The following SAMD3 variants were observed in gnomAD, a reference collection of about 807,000 sequenced individuals.
SAMD3 encodes sterile alpha motif domain containing 3.
Under a neutral mutation model 58.5 loss-of-function variants are expected in SAMD3, and 63 were observed. That is an observed-to-expected ratio of 1.08 (90% CI 0.88 to 1.33). The LOEUF is 1.33. SAMD3 is among the 40% of genes most tolerant of loss of function. The pLI, the probability that SAMD3 is intolerant of heterozygous loss-of-function variation, is 0.00. For missense variants in SAMD3, 604 were observed against 608.4 expected, an observed-to-expected ratio of 0.99 and a Z score of 0.08; for synonymous variants, 220 against 210.3, an observed-to-expected ratio of 1.05 and a Z score of -0.40.
intron 2 of SAMD3, among the ~76,000 whole-genome samples, chr6:130,300,059 A>G: frequency 6.6e-6 from 1 of 152,212 alleles, no homozygotes; most frequent in East Asian, 1.9e-4. Context: ...AATCTTACTG[A>G]AAGTATTGCA....
At chr6:130,339,835 T>C (rs1777216806) in intron 1 of SAMD3, among the ~76,000 whole-genome samples, 1 of 152,198 alleles carries the variant, frequency 6.6e-6, no homozygotes, top group Non-Finnish European at 1.5e-5. Flanking sequence ...AGTAGTAGTG[T>C]GATTATCAGG....
At chr6:130,362,972 C>G (rs924090448) in intron 1 of SAMD3, among the ~76,000 whole-genome samples, 16 of 152,172 alleles carry the variant, frequency 1.1e-4, no homozygotes, top group Non-Finnish European at 2.1e-4. Flanking sequence ...ATTTCCTCTA[C>G]CTTTTTCTTT....
chr6:130,197,906 A>T (rs1159018120), intron 5 of SAMD3, among the ~76,000 whole-genome samples: 1 of 152,102 alleles, frequency 6.6e-6, no homozygotes, highest in African/African-American at 2.4e-5. Flanking sequence ...GCCTTAACTG[A>T]TGACATTCCA....
chr6:130,229,297 C>T (rs1004347106), intron 2 of SAMD3, among the ~76,000 whole-genome samples: 1 of 152,152 alleles, frequency 6.6e-6, no homozygotes, highest in Non-Finnish European at 1.5e-5. Flanking sequence ...GGTAAGATTC[C>T]CCACTAGAGC....
intron 2 of SAMD3, among the ~76,000 whole-genome samples, chr6:130,304,926 C>CTTTTTTTTT (rs777084920): frequency 9.7e-6 from 1 of 103,376 alleles, no homozygotes; most frequent in Non-Finnish European, 1.9e-5. Context: ...CATTTTCTTC[C>CTTTTTTTTT]TTTTTTTTTT....
intron 5 of SAMD3, among the ~76,000 whole-genome samples, chr6:130,208,488 A>C (rs547932885): frequency 4.0e-4 from 61 of 152,260 alleles, no homozygotes; most frequent in African/African-American, 1.3e-3. Context: ...GCCACACCCC[A>C]TCACTGGCAT....
intron 2 of SAMD3, chr6:130,215,796 C>G (rs1582957546): frequency 6.5e-7 from 1 of 1,534,332 alleles, no homozygotes; most frequent in Non-Finnish European, 8.7e-7. Context: ...GACTGGTTAA[C>G]CCCTTGCTTC....
chr6:130,207,915 G>C (rs1017853979), intron 5 of SAMD3, among the ~76,000 whole-genome samples: 1 of 152,186 alleles, frequency 6.6e-6, no homozygotes, highest in Non-Finnish European at 1.5e-5. Context: ...CCTCATCAAA[G>C]GGGCTGCTCT....
intron 5 of SAMD3, among the ~76,000 whole-genome samples, chr6:130,204,072 TA>T (rs1444749695): frequency 6.6e-6 from 1 of 152,136 alleles, no homozygotes; most frequent in Non-Finnish European, 1.5e-5. Context: ...AGTTTGTAAT[TA>T]AAATAATTTT....
intron 2 of SAMD3, among the ~76,000 whole-genome samples, chr6:130,282,359 T>C (rs1258718645): frequency 7.5e-6 from 1 of 134,182 alleles, no homozygotes; most frequent in Non-Finnish European, 1.6e-5. Context: ...ATACATGTTA[T>C]ATATATTATA....
At chr6:130,238,884 G>T (rs944087201) in intron 2 of SAMD3, among the ~76,000 whole-genome samples, 1 of 152,010 alleles carries the variant, frequency 6.6e-6, no homozygotes, top group Admixed American at 6.5e-5. Context: ...TCAGCCTCCC[G>T]AGTAGCTGGG....
rs149407459 is a variant in SAMD3 at position 130,347,326 on chromosome 6, T to C, written c.-304+17794A>G. Among the ~76,000 whole-genome samples, 233 of 152,116 alleles carry C rather than the reference T, an allele frequency of 1.5e-3. 2 individuals are homozygous for C. The highest frequency in any genetic ancestry group is 5.3e-3 in the African/African-American group (220 of 41,510). On this transcript the variant is annotated intron_variant, in intron 1 of 13. Transcript: ENST00000368134. The stretch of plus-strand genomic sequence containing the variant: ...CCCATGGCAAAGAAGGTAAAAACCT[T>C]GAAAAAAAATTAGACAAACGGCTAA...
chr6:130,252,721 T>C lies in SAMD3; in HGVS notation c.-187-29908A>G, dbSNP rs146289851. 2.4e-3 allele frequency among the ~76,000 whole-genome samples: 365 copies of C among 152,288 alleles called. 1 individual carries two copies. The highest frequency in any genetic ancestry group is 8.5e-3 in the African/African-American group (353 of 41,558). On this transcript the variant is annotated intron_variant, in intron 2 of 13. Coordinates refer to the SAMD3 transcript ENST00000368134. ...TCCTGGATTTGGGTTGGAATTCCTT[T>C]GTGGCAACCAAAACAGCTGTCCACT...
At chr6:130,216,213 T>C (rs1451348623) in intron 2 of SAMD3, among the ~76,000 whole-genome samples, 3 of 152,028 alleles carry the variant, frequency 2.0e-5, no homozygotes, top group Non-Finnish European at 4.4e-5. Flanking sequence ...GTTTTTGTAA[T>C]TCAATCCAAA....
upstream of SAMD3, among the ~76,000 whole-genome samples, chr6:130,224,420 C>T (rs1341371577): frequency 1.3e-5 from 2 of 151,182 alleles, no homozygotes. Flanking sequence ...CACTTCCCTG[C>T]CCGCCTCCCG....
intron 7 of SAMD3, among the ~76,000 whole-genome samples, chr6:130,177,569 T>G (rs1483486666): frequency 6.6e-6 from 1 of 152,228 alleles, no homozygotes; most frequent in Non-Finnish European, 1.5e-5. Context: ...GCTTAGCCTG[T>G]GCTTCATGGA....
chr6:130,238,520 CTT>C (rs1173950126), intron 2 of SAMD3, among the ~76,000 whole-genome samples: 1 of 151,608 alleles, frequency 6.6e-6, no homozygotes, highest in Non-Finnish European at 1.5e-5. Context: ...AAAATTGTCT[CTT>C]GGCATTTGTG....
At chr6:130,305,021 G>T (rs953367955) in intron 2 of SAMD3, among the ~76,000 whole-genome samples, 19 of 133,336 alleles carry the variant, frequency 1.4e-4, no homozygotes, top group Admixed American at 1.0e-3. Context: ...TGTAGCCTCT[G>T]TCTCCTGTGT....
chr6:130,292,764 G>A (rs954629108), intron 2 of SAMD3, among the ~76,000 whole-genome samples: 3 of 151,856 alleles, frequency 2.0e-5, no homozygotes, highest in South Asian at 2.1e-4. Flanking sequence ...GACTACAGGC[G>A]CCCGTCACCA....
Sources: gnomAD v4.1 joint callset for allele counts (sites outside exome capture counted in the v4.1 genomes callset) on GRCh38, gnomAD v4.1.1 for gene constraint, MANE v1.5 for transcripts, NCBI Gene and HGNC (gene_info 2026-07-23, HGNC 2026-07-21) for gene names.